The following LUZP2 variants were observed in gnomAD, a reference collection of about 807,000 sequenced individuals.
LUZP2 encodes the protein leucine zipper protein 2.
Under a neutral mutation model 51.6 loss-of-function variants are expected in LUZP2, and 52 were observed. The observed-to-expected ratio is 1.01, with a 90% CI of 0.81 to 1.27. LUZP2 has a LOEUF of 1.27. Ranked by LOEUF, LUZP2 falls within the 50% of genes most tolerant of loss-of-function variation. The probability of loss-of-function intolerance (pLI) is 0.00; values close to 1 mark genes in which losing one functional copy is unlikely to be tolerated. For missense variants in LUZP2, 436 were observed against 395.4 expected (o/e 1.10, Z -0.87); for synonymous variants, 154 against 137.3 (o/e 1.12, Z -0.85).
chr11:25,011,974 A>G (rs1036733705), intron 9 of LUZP2, among the ~76,000 whole-genome samples: 4 of 152,124 alleles, frequency 2.6e-5, no homozygotes, highest in African/African-American at 9.7e-5. Flanking sequence ...AATAACAGGA[A>G]AGTTTTCTGA....
intron 5 of LUZP2, among the ~76,000 whole-genome samples, chr11:24,868,921 G>A (rs771345542): frequency 7.9e-5 from 12 of 152,138 alleles, no homozygotes; most frequent in Non-Finnish European, 1.6e-4. Flanking sequence ...TAATATGGAA[G>A]AGCAACAAAA....
intron 7 of LUZP2, among the ~76,000 whole-genome samples, chr11:24,959,778 C>T (rs1855335762): frequency 6.6e-6 from 1 of 152,128 alleles, no homozygotes; most frequent in African/African-American, 2.4e-5. Flanking sequence ...GCCAGAACTT[C>T]CAATACTATG....
Position 24,766,735 on chromosome 11 carries a change from T to C in LUZP2, c.396+3427T>C, listed in dbSNP as rs139114969. 1.2e-3 allele frequency among the ~76,000 whole-genome samples: 178 copies of C among 152,204 alleles called. 1 individual carries two copies. The East Asian group carries it at 0.033, about 28-fold the overall frequency. ...ATCAAATGATTATGTTTGAGATAAA[T>C]GCTAAAAAAAATTGTATTTACACTT... On this transcript the variant is annotated intron_variant, in intron 5 of 11. Coordinates refer to ENST00000336930, the MANE Select transcript of LUZP2 (RefSeq NM_001009909.4).
At chr11:24,891,840 T>C in intron 5 of LUZP2, 4 of 983,432 alleles carry the variant, frequency 4.1e-6, no homozygotes, top group Non-Finnish European at 4.8e-6. Context: ...CACTCTGCAC[T>C]GAACATCTGA....
chr11:24,861,797 G>A (rs1343480414), intron 5 of LUZP2, among the ~76,000 whole-genome samples: 3 of 152,132 alleles, frequency 2.0e-5, no homozygotes, highest in African/African-American at 4.8e-5. Flanking sequence ...CAGTAGAATC[G>A]CTCCTGTATA....
intron 10 of LUZP2, among the ~76,000 whole-genome samples, chr11:25,062,434 A>T (rs1324825634): frequency 3.3e-5 from 5 of 150,632 alleles, no homozygotes; most frequent in African/African-American, 7.3e-5. Context: ...AGAATAAAAA[A>T]ATATATATAT....
intron 9 of LUZP2, among the ~76,000 whole-genome samples, chr11:25,033,117 C>T (rs1857742010): frequency 6.6e-6 from 1 of 152,108 alleles, no homozygotes; most frequent in Non-Finnish European, 1.5e-5. Flanking sequence ...AGCCATTAGT[C>T]CTGAAATACC....
At chr11:24,669,744 C>T (rs1168362083) in intron 1 of LUZP2, among the ~76,000 whole-genome samples, 1 of 151,986 alleles carries the variant, frequency 6.6e-6, no homozygotes, top group East Asian at 1.9e-4. Context: ...TGCTTTTGTA[C>T]TGTGATGCAA....
chr11:24,606,251 A>G (rs903584321), intron 1 of LUZP2, among the ~76,000 whole-genome samples: 2 of 151,934 alleles, frequency 1.3e-5, no homozygotes, highest in African/African-American at 4.8e-5. Context: ...TGCAAAAGCA[A>G]TGCACATTCA....
chr11:24,828,068 GACAC>G (rs1850595701), intron 5 of LUZP2, among the ~76,000 whole-genome samples: 1 of 151,448 alleles, frequency 6.6e-6, no homozygotes, highest in South Asian at 2.1e-4. Flanking sequence ...CACAGACGCA[GACAC>G]ACACACGCAC....
intron 1 of LUZP2, among the ~76,000 whole-genome samples, chr11:24,662,771 T>G (rs2133985231): frequency 6.6e-6 from 1 of 152,146 alleles, no homozygotes; most frequent in South Asian, 2.1e-4. Context: ...AAAAACAAAG[T>G]GGCTTCAGGA....
intron 1 of LUZP2, among the ~76,000 whole-genome samples, chr11:24,515,438 A>C (rs186496301): frequency 6.6e-6 from 1 of 152,306 alleles, no homozygotes; most frequent in East Asian, 1.9e-4. Flanking sequence ...AATATTCACA[A>C]AGAACTTGAT....
intron 7 of LUZP2, among the ~76,000 whole-genome samples, chr11:24,935,274 G>A (rs1854557858): frequency 6.6e-6 from 1 of 152,064 alleles, no homozygotes. Flanking sequence ...ATATTTCCTT[G>A]CTTAAAGTAA....
At chr11:25,075,881 C>T (rs994794193) in intron 10 of LUZP2, among the ~76,000 whole-genome samples, 2 of 152,096 alleles carry the variant, frequency 1.3e-5, no homozygotes, top group Non-Finnish European at 1.5e-5. Context: ...ATCTTCCACT[C>T]AGAATTTTTA....
At chr11:24,914,951 T>C (rs1853747927) in intron 7 of LUZP2, among the ~76,000 whole-genome samples, 1 of 152,176 alleles carries the variant, frequency 6.6e-6, no homozygotes, top group Non-Finnish European at 1.5e-5. Context: ...AGTGTTTTAC[T>C]TGTATGTAAT....
At chr11:24,702,005 C>T (rs752310461) in intron 1 of LUZP2, among the ~76,000 whole-genome samples, 9 of 152,180 alleles carry the variant, frequency 5.9e-5, no homozygotes, top group Non-Finnish European at 8.8e-5. Context: ...TTGACCATGG[C>T]TCTCCCAGTC....
intron 1 of LUZP2, among the ~76,000 whole-genome samples, chr11:24,602,245 T>TAC (rs1853738009): frequency 1.3e-5 from 1 of 79,084 alleles, no homozygotes; most frequent in African/African-American, 4.2e-5. Flanking sequence ...TGTATATATG[T>TAC]ATATATATGC....
At chr11:24,538,249 C>T (rs1270928767) in intron 1 of LUZP2, among the ~76,000 whole-genome samples, 1 of 151,646 alleles carries the variant, frequency 6.6e-6, no homozygotes, top group African/African-American at 2.4e-5. Flanking sequence ...TAATGAACTA[C>T]TAGATATACA....
intron 5 of LUZP2, among the ~76,000 whole-genome samples, chr11:24,860,119 C>T (rs1301715367): frequency 4.6e-5 from 7 of 152,166 alleles, no homozygotes; most frequent in African/African-American, 1.7e-4. Context: ...GCCAGGGAGG[C>T]ATAAAGGCCT....
Sources: allele counts gnomAD v4.1 joint callset (sites outside exome capture counted in the v4.1 genomes callset), GRCh38; gene constraint gnomAD v4.1.1; transcripts MANE v1.5; gene names NCBI Gene and HGNC (gene_info 2026-07-23, HGNC 2026-07-21).